SEZ6L: variants seen among roughly 807,000 people sequenced by gnomAD.
SEZ6L encodes seizure 6-like protein.
In SEZ6L, 37 loss-of-function variants were observed where a neutral mutation model predicts 106.2. The ratio of observed to expected loss-of-function variants is 0.35; its 90% CI spans 0.27 to 0.46. The LOEUF (loss-of-function observed/expected upper bound fraction) is 0.46. Among genes scored for constraint, SEZ6L ranks in the 20% least tolerant of loss-of-function variants. The pLI is 1.00. For missense variants in SEZ6L, 1,172 were observed against 1,332.8 expected (o/e 0.88, Z 1.88); for synonymous variants, 541 against 570.4 (o/e 0.95, Z 0.73).
chr22:26,172,234 C>T (rs536567452), intron 1 of SEZ6L, among the ~76,000 whole-genome samples: 4 of 152,224 alleles, frequency 2.6e-5, no homozygotes, highest in Admixed American at 6.5e-5. Context: ...GCTGCTTCCC[C>T]AGTCTCTAAC....
At chr22:26,221,526 T>G (rs1246872219) in intron 1 of SEZ6L, among the ~76,000 whole-genome samples, 2 of 152,182 alleles carry the variant, frequency 1.3e-5, no homozygotes, top group Non-Finnish European at 2.9e-5. Flanking sequence ...CACAGAGGTA[T>G]TAGGAAGACT....
Position 26,381,166 on chromosome 22 carries a change from A to G in SEZ6L, c.*871A>G, listed in dbSNP as rs2084400363. ...CAGCAAGCCACTCTCAAGCTGTGGTAATAAACACACAGGCTTGGGAGGCAC... is the reference window on the plus strand; with the variant it reads ...CAGCAAGCCACTCTCAAGCTGTGGTGATAAACACACAGGCTTGGGAGGCAC... On this transcript the variant is annotated 3_prime_UTR_variant, in exon 17 of 17. Coordinates refer to ENST00000248933, the MANE Select transcript of SEZ6L (RefSeq NM_021115.5). The G allele has an allele frequency of 6.6e-6, 1 of 152,166 alleles. No homozygotes were observed. Among genetic ancestry groups the G allele is most frequent in the South Asian group, 2.1e-4 (1 of 4,822 alleles). The allele number at this position is 152,166 out of a possible 1,614,324, so 9.4% of individuals were successfully genotyped here.
chr22:26,376,611 T>C (rs2084233431), intron 15 of SEZ6L, among the ~76,000 whole-genome samples: 1 of 152,110 alleles, frequency 6.6e-6, no homozygotes. Context: ...AGCCTGGGCA[T>C]GGTGGTGGGT....
intron 4 of SEZ6L, among the ~76,000 whole-genome samples, chr22:26,298,014 A>T (rs1381559645): frequency 6.6e-6 from 1 of 152,168 alleles, no homozygotes; most frequent in Non-Finnish European, 1.5e-5. Flanking sequence ...CCAGATATTG[A>T]GAGCCATCAT....
intron 1 of SEZ6L, among the ~76,000 whole-genome samples, chr22:26,258,750 G>A (rs1321473103): frequency 1.3e-5 from 2 of 152,248 alleles, no homozygotes; most frequent in Non-Finnish European, 2.9e-5. Flanking sequence ...TAAAGGATCT[G>A]TGGTAAGAAG....
At chr22:26,174,558 A>G (rs768924643) in intron 1 of SEZ6L, among the ~76,000 whole-genome samples, 2 of 152,236 alleles carry the variant, frequency 1.3e-5, no homozygotes, top group African/African-American at 4.8e-5. Context: ...ATGACACCGA[A>G]GGAATCTTCT....
At chr22:26,352,977 G>A (rs964196654) in intron 12 of SEZ6L, among the ~76,000 whole-genome samples, 2 of 152,310 alleles carry the variant, frequency 1.3e-5, no homozygotes, top group Middle Eastern at 3.4e-3. Context: ...GGCCCAAAGC[G>A]CTTGCTTCAT....
intron 1 of SEZ6L, among the ~76,000 whole-genome samples, chr22:26,195,753 A>G (rs945280895): frequency 5.9e-5 from 9 of 151,842 alleles, no homozygotes; most frequent in African/African-American, 2.2e-4. Context: ...GTGTGTGTGT[A>G]TATGTATAGT....
chr22:26,342,360 C>T (rs1426919848), intron 10 of SEZ6L, among the ~76,000 whole-genome samples: 1 of 152,124 alleles, frequency 6.6e-6, no homozygotes, highest in African/African-American at 2.4e-5. Context: ...AGCAAGATTC[C>T]ATGTCTTTGG....
At chr22:26,301,347 G>A (rs532626050) in intron 5 of SEZ6L, among the ~76,000 whole-genome samples, 10 of 152,328 alleles carry the variant, frequency 6.6e-5, no homozygotes, top group African/African-American at 1.9e-4. Flanking sequence ...ACAAACATCC[G>A]CCGAGCGCCC....
At position 26,369,341 on chromosome 22, in the gene SEZ6L, C is replaced by CTTTTTTTTTT. The variant is rs199641007; in HGVS notation, c.2794+3779_2794+3780insTTTTTTTTTT. ...ATGACAATGACTTATATAAGCAGTTCTTTTGTTTTTTTTTTTGAGACAGAT... is the reference window on the plus strand; with the variant it reads ...ATGACAATGACTTATATAAGCAGTTCTTTTTTTTTTTTTTGTTTTTTTTTTTGAGACAGAT... On this transcript the variant is annotated intron_variant, in intron 13 of 16. Coordinates refer to ENST00000248933, the MANE Select transcript of SEZ6L (RefSeq NM_021115.5). Among the ~76,000 whole-genome samples, 328 of 103,520 alleles carry CTTTTTTTTTT rather than the reference C, an allele frequency of 3.2e-3. 61 individuals are homozygous for CTTTTTTTTTT. Among genetic ancestry groups the CTTTTTTTTTT allele is most frequent in the African/African-American group, 8.2e-3 (169 of 20,628 alleles). The allele number at this position is 103,520 out of a possible 152,430, so 67.9% of individuals were successfully genotyped here.
At chr22:26,351,007 A>G in intron 11 of SEZ6L, 45 bp from the exon 12 acceptor site, 1 of 1,560,272 alleles carries the variant, frequency 6.4e-7, no homozygotes, top group Non-Finnish European at 8.7e-7. Context: ...ACCCATGGTC[A>G]TCCAGAGGTC....
At chr22:26,323,286 T>C (rs1351374832) in intron 9 of SEZ6L, among the ~76,000 whole-genome samples, 1 of 152,264 alleles carries the variant, frequency 6.6e-6, no homozygotes, top group East Asian at 1.9e-4. Flanking sequence ...TTTGTTCACT[T>C]TATCCCCAGT....
At chr22:26,184,469 G>A (rs1939635916) in intron 1 of SEZ6L, among the ~76,000 whole-genome samples, 1 of 152,080 alleles carries the variant, frequency 6.6e-6, no homozygotes, top group Admixed American at 6.5e-5. Flanking sequence ...TTTCCCACTA[G>A]GCCATGGGAA....
chr22:26,272,377 G>A (rs1322461633), intron 1 of SEZ6L, among the ~76,000 whole-genome samples: 2 of 152,184 alleles, frequency 1.3e-5, no homozygotes, highest in South Asian at 2.1e-4. Flanking sequence ...GGTTCTGCAT[G>A]ACATCCCTCA....
intron 1 of SEZ6L, among the ~76,000 whole-genome samples, chr22:26,195,673 A>C (rs982963265): frequency 3.9e-5 from 6 of 152,188 alleles, no homozygotes; most frequent in Admixed American, 2.0e-4. Context: ...CTCCATGCTC[A>C]ATCTATCACA....
intron 1 of SEZ6L, among the ~76,000 whole-genome samples, chr22:26,264,131 G>C (rs1407021496): frequency 6.6e-6 from 1 of 152,230 alleles, no homozygotes; most frequent in Non-Finnish European, 1.5e-5. Flanking sequence ...CTTGGTGTTA[G>C]CAACACAAAG....
intron 1 of SEZ6L, among the ~76,000 whole-genome samples, chr22:26,283,878 C>A (rs974425249): frequency 9.2e-5 from 14 of 152,142 alleles, no homozygotes; most frequent in South Asian, 4.1e-4. Context: ...GATGAAGGTG[C>A]ACATATGTGG....
chr22:26,223,533 C>A (rs890179275), intron 1 of SEZ6L, among the ~76,000 whole-genome samples: 1 of 152,046 alleles, frequency 6.6e-6, no homozygotes, highest in Non-Finnish European at 1.5e-5. Context: ...TGCTTGGGAG[C>A]TAAGAATGTG....
Sources: allele counts gnomAD v4.1 joint callset (sites outside exome capture counted in the v4.1 genomes callset), GRCh38; gene constraint gnomAD v4.1.1; transcripts MANE v1.5; gene names NCBI Gene and HGNC (gene_info 2026-07-23, HGNC 2026-07-21).